The following USP42 variants were observed in gnomAD, a reference collection of about 807,000 sequenced individuals.
USP42 encodes the protein ubiquitin carboxyl-terminal hydrolase 42.
USP42 carries 23 observed loss-of-function variants against 113.0 expected under a neutral mutation model. The observed-to-expected ratio is 0.20, with a 90% CI of 0.15 to 0.29. The LOEUF (loss-of-function observed/expected upper bound fraction) is 0.29. Among genes scored for constraint, USP42 ranks in the 10% least tolerant of loss-of-function variants. USP42 has a pLI of 1.00. For synonymous variants in USP42, 933 were observed against 699.0 expected, an observed-to-expected ratio of 1.33 and a Z score of -5.28; for missense variants, 2,174 against 1,779.8, an observed-to-expected ratio of 1.22 and a Z score of -3.99.
At chr7:6,092,035 C>CTT in the USP42 span, among the ~76,000 whole-genome samples, 892 of 98,282 alleles carry the variant, frequency 9.1e-3, 25 homozygotes, top group Non-Finnish European at 0.013. Flanking sequence ...TCTTCTTCTT[C>CTT]TTCTTCTTCT....
At chr7:6,153,476 G>C (rs903244293) in intron 14 of USP42, among the ~76,000 whole-genome samples, 1 of 152,068 alleles carries the variant, frequency 6.6e-6, no homozygotes, top group Non-Finnish European at 1.5e-5. Flanking sequence ...AGAGATAGTA[G>C]TACTAGCCTA....
At chr7:6,091,982 TTCTTCTTC>T in the USP42 span, among the ~76,000 whole-genome samples, 1 of 21,364 alleles carries the variant, frequency 4.7e-5, no homozygotes, top group Non-Finnish European at 1.1e-4. Flanking sequence ...GTATTTTTTC[TTCTTCTTC>T]TTCTTCTTCT....
Position 6,144,179 on chromosome 7 carries a change from G to T in USP42, c.973G>T (p.Gly325Cys), listed in dbSNP as rs757691271. ...TCTGAAACGTTTTGCAAATTTTACC[G>T]GTGGAAAAATTGCTAAGGTATGTGG... ...LSLKRFANFT[G>C]GKIAKDVKYP... Residue 325 changes from glycine to cysteine, a missense_variant, in exon 9 of 18, where the codon GGT (glycine) becomes TGT (cysteine). Physicochemically the swap from Gly to Cys is radical, Grantham distance 159. Transcript: ENST00000306177. 1 of 1,590,638 alleles carries T rather than the reference G, an allele frequency of 6.3e-7. No individual in the cohort carries two copies. Among genetic ancestry groups the T allele is most frequent in the South Asian group, 1.2e-5 (1 of 86,028 alleles).
chr7:6,124,718 C>G (rs1331085137), intron 3 of USP42, among the ~76,000 whole-genome samples: 1 of 151,468 alleles, frequency 6.6e-6, no homozygotes, highest in Non-Finnish European at 1.5e-5. Context: ...ATTTTTTTTC[C>G]TATTTGTCCC....
chr7:6,120,928 T>C (rs1780193503), intron 3 of USP42, among the ~76,000 whole-genome samples: 1 of 152,202 alleles, frequency 6.6e-6, no homozygotes, highest in Non-Finnish European at 1.5e-5. Flanking sequence ...ATTTTATTTT[T>C]AAAATTTCAA....
upstream of USP42, among the ~76,000 whole-genome samples, chr7:6,104,342 A>T (rs1012795525): frequency 3.4e-5 from 5 of 145,594 alleles, no homozygotes; most frequent in South Asian, 8.3e-4. Flanking sequence ...TCGGCCTCCC[A>T]GAATGCTGGG....
At position 6,154,970 on chromosome 7, in the gene USP42, T is replaced by G; in HGVS notation, c.3416T>G (p.Leu1139Arg). ...CGCTTCTCCCACGACAGAACTGCAC[T>G]TGTAGCCGGAGACAACTGTAACCTC... The part of the protein sequence containing the change: ...PDRFSHDRTA[L>R]VAGDNCNLSD... The change falls in exon 15 of 18, where the codon CTT (leucine) becomes CGT (arginine). Residue 1139 changes from leucine (L) to arginine (R), a missense_variant. By Grantham distance (102) the Leu-to-Arg change is moderately radical. Transcript: ENST00000306177. 6.4e-7 allele frequency: 1 copy of G among 1,561,102 alleles called. No individual in the cohort carries two copies. Among genetic ancestry groups the G allele is most frequent in the Non-Finnish European group, 8.7e-7 (1 of 1,152,194 alleles).
At chr7:6,136,895 A>T (rs1781181568) in intron 4 of USP42, among the ~76,000 whole-genome samples, 1 of 150,316 alleles carries the variant, frequency 6.7e-6, no homozygotes, top group Non-Finnish European at 1.5e-5. Context: ...CTCTTGCCCC[A>T]GTTGAGTAGC....
chr7:6,152,857 G>GGCAA, intron 14 of USP42: 1 of 813,392 alleles, frequency 1.2e-6, no homozygotes, highest in Non-Finnish European at 1.5e-6. Context: ...GGCTGTGTTT[G>GGCAA]GAGGTGGCCC....
intron 3 of USP42, among the ~76,000 whole-genome samples, chr7:6,123,783 G>T (rs1363676193): frequency 6.8e-6 from 1 of 147,530 alleles, no homozygotes; most frequent in Admixed American, 6.7e-5. Context: ...GGGAGTTGAA[G>T]GATTATGCCA....
chr7:6,136,270 C>G (rs907635751), intron 4 of USP42, among the ~76,000 whole-genome samples: 2 of 152,096 alleles, frequency 1.3e-5, no homozygotes, highest in Admixed American at 6.5e-5. Flanking sequence ...TCCCAAAGTG[C>G]TGGGATTACA....
chr7:6,124,288 GAC>G (rs1780401220), intron 3 of USP42, among the ~76,000 whole-genome samples: 1 of 151,210 alleles, frequency 6.6e-6, no homozygotes, highest in Non-Finnish European at 1.5e-5. Flanking sequence ...CTTTTTTTGA[GAC>G]GGATTCTCGC....
At chr7:6,126,222 C>A (rs113287846) in intron 3 of USP42, among the ~76,000 whole-genome samples, 9 of 151,860 alleles carry the variant, frequency 5.9e-5, no homozygotes, top group African/African-American at 2.2e-4. Context: ...TGATCCAGGT[C>A]GTTGCATGTA....
intron 3 of USP42, among the ~76,000 whole-genome samples, chr7:6,128,818 C>G (rs1305349810): frequency 6.8e-6 from 1 of 147,780 alleles, no homozygotes; most frequent in Non-Finnish European, 1.5e-5. Flanking sequence ...TTGAGTCTTT[C>G]TTTCTTTTTT....
chr7:6,103,153 C>T (rs972481934), upstream of USP42, among the ~76,000 whole-genome samples: 1 of 150,846 alleles, frequency 6.6e-6, no homozygotes, highest in Non-Finnish European at 1.5e-5. Context: ...TGTTAGGCCT[C>T]GAGGTGGAGA....
At position 6,154,067 on chromosome 7, in the gene USP42, T is replaced by C. The variant is rs200692522; in HGVS notation, c.2513T>C (p.Met838Thr). The C allele has an allele frequency of 6.0e-5, 97 of 1,606,142 alleles. 2 individuals are homozygous for C. In the East Asian group the frequency reaches 2.1e-3, roughly 35 times the overall value. ...ASPLSQDAKG[M>T]IAEGPRDSAL... ...CCGTTGTCCCAGGACGCAAAGGGGA[T>C]GATCGCGGAGGGCCCGCGGGACTCG... Residue 838 changes from methionine (M) to threonine (T), a missense_variant, in exon 15 of 18, where the codon ATG (methionine) becomes ACG (threonine). Coordinates refer to ENST00000306177, the MANE Select transcript of USP42 (RefSeq NM_032172.3).
At chr7:6,137,342 C>T (rs1184519921) in intron 4 of USP42, among the ~76,000 whole-genome samples, 1 of 152,234 alleles carries the variant, frequency 6.6e-6, no homozygotes, top group Non-Finnish European at 1.5e-5. Context: ...GGATTGTTTA[C>T]ACATGCATGC....
chr7:6,107,496 G>A (rs979289626), intron 1 of USP42, among the ~76,000 whole-genome samples: 21 of 146,582 alleles, frequency 1.4e-4, no homozygotes, highest in Non-Finnish European at 4.5e-5. Flanking sequence ...CACAACCTCT[G>A]CCTCCTGGGT....
intron 14 of USP42, among the ~76,000 whole-genome samples, chr7:6,152,194 A>G (rs565228985): frequency 6.6e-6 from 1 of 152,310 alleles, no homozygotes; most frequent in East Asian, 1.9e-4. Context: ...GCATCTCTGC[A>G]CAGGTTGGCT....
Sources: gnomAD v4.1 joint callset for allele counts (sites outside exome capture counted in the v4.1 genomes callset) on GRCh38, gnomAD v4.1.1 for gene constraint, MANE v1.5 for transcripts, NCBI Gene and HGNC (gene_info 2026-07-23, HGNC 2026-07-21) for gene names.